HIVEP1: variants seen among roughly 807,000 people sequenced by gnomAD.
The protein encoded by HIVEP1 is HIVEP zinc finger 1, also known as zinc finger protein 40.
In HIVEP1, 36 loss-of-function variants were observed where a neutral mutation model predicts 180.0. The observed-to-expected ratio is 0.20, with a 90% CI of 0.15 to 0.26. The LOEUF (loss-of-function observed/expected upper bound fraction) is 0.26. HIVEP1 is among the 10% of genes least tolerant of loss of function. The pLI, the probability that HIVEP1 is intolerant of heterozygous loss-of-function variation, is 1.00. For missense variants in HIVEP1, 3,143 were observed against 3,268.7 expected, an observed-to-expected ratio of 0.96 and a Z score of 0.94; for synonymous variants, 1,239 against 1,239.0, an observed-to-expected ratio of 1.00 and a Z score of 0.00.
chr6:12,122,394 T>C lies in HIVEP1; in HGVS notation c.2599T>C (p.Phe867Leu), dbSNP rs1378535688. ...PPHPLRGSQS[F>L]DDKIGAFYDD... ...TCATCCACTAAGAGGAAGTCAGTCA[T>C]TTGATGACAAAATTGGCGCTTTCTA... is the stretch of plus-strand genomic sequence containing the variant. The change falls in exon 4 of 9, where the codon TTT becomes CTT. Residue 867 changes from phenylalanine (F) to leucine (L), a missense_variant. Phe to Leu is a conservative substitution (Grantham distance 22, BLOSUM62 0). Coordinates refer to ENST00000379388, the MANE Select transcript of HIVEP1 (RefSeq NM_002114.4). 1.9e-6 allele frequency: 3 copies of C among 1,614,234 alleles called. No individual in the cohort carries two copies. Among genetic ancestry groups the C allele is most frequent in the Non-Finnish European group, 2.5e-6 (3 of 1,180,036 alleles).
At chr6:12,088,184 T>A (rs2113322896) in intron 2 of HIVEP1, among the ~76,000 whole-genome samples, 1 of 152,276 alleles carries the variant, frequency 6.6e-6, no homozygotes. Context: ...GATACCATAT[T>A]GGAGGTTACA....
At chr6:12,055,190 AAT>A (rs1402079611) in intron 2 of HIVEP1, among the ~76,000 whole-genome samples, 19 of 152,236 alleles carry the variant, frequency 1.2e-4, no homozygotes, top group African/African-American at 4.3e-4. Flanking sequence ...CTTCAGTTAA[AAT>A]CATGATTTTC....
chr6:12,200,337 T>C, the HIVEP1 span, among the ~76,000 whole-genome samples: 1 of 152,236 alleles, frequency 6.6e-6, no homozygotes, highest in East Asian at 1.9e-4. Flanking sequence ...TGCGCATAAA[T>C]ATGACTGCAA....
At chr6:12,050,446 C>T (rs1036667748) in intron 2 of HIVEP1, among the ~76,000 whole-genome samples, 10 of 152,026 alleles carry the variant, frequency 6.6e-5, no homozygotes, top group African/African-American at 1.9e-4. Context: ...ACTAGCCGGG[C>T]GTAGTGGCAG....
chr6:12,020,890 C>CTTTTTTTTTTTTT lies in HIVEP1; in HGVS notation c.40+5228_40+5240dup, dbSNP rs70981658. Among the ~76,000 whole-genome samples, 51 of 105,774 alleles carry CTTTTTTTTTTTTT rather than the reference C, an allele frequency of 4.8e-4. 2 individuals carry two copies. Among genetic ancestry groups the CTTTTTTTTTTTTT allele is most frequent in the Non-Finnish European group, 7.1e-4 (39 of 55,012 alleles). The allele number at this position is 105,774 out of a possible 152,430, so 69.4% of individuals were successfully genotyped here. A position where few individuals can be genotyped will look rare whatever the true frequency, so the allele number is the denominator to read the frequency against. ...GAGAACCAGATTTCTTTCTTTCTTT[C>CTTTTTTTTTTTTT]TTTTTTTTTTTTTTTTTTGAGACGG... On this transcript the variant is annotated intron_variant, in intron 2 of 8. Coordinates refer to ENST00000379388, the MANE Select transcript of HIVEP1 (RefSeq NM_002114.4).
chr6:12,074,643 T>TGTGC (rs573970756), intron 2 of HIVEP1, among the ~76,000 whole-genome samples: 3,814 of 148,078 alleles, frequency 0.026, 117 homozygotes, highest in East Asian at 0.15. Context: ...TGTGTGTGTG[T>TGTGC]GCGCGCGCGT....
chr6:12,114,637 C>T (rs1024891769), intron 3 of HIVEP1, among the ~76,000 whole-genome samples: 1 of 152,206 alleles, frequency 6.6e-6, no homozygotes, highest in Non-Finnish European at 1.5e-5. Context: ...TGCACGTACA[C>T]TTAATGTATC....
chr6:12,041,478 G>C (rs1215883869), intron 2 of HIVEP1, among the ~76,000 whole-genome samples: 1 of 141,760 alleles, frequency 7.1e-6, no homozygotes, highest in African/African-American at 2.6e-5. Flanking sequence ...ATGGGCTACT[G>C]TATACATTAC....
intron 3 of HIVEP1, among the ~76,000 whole-genome samples, chr6:12,090,606 G>GA (rs71722866): frequency 0.098 from 14,944 of 151,998 alleles, 991 homozygotes; most frequent in Middle Eastern, 0.2. Flanking sequence ...AACAAGCATA[G>GA]AAGAGTAAAG....
chr6:12,190,339 A>T, the HIVEP1 span, among the ~76,000 whole-genome samples: 1 of 152,224 alleles, frequency 6.6e-6, no homozygotes, highest in African/African-American at 2.4e-5. Flanking sequence ...AATCCAGAAC[A>T]AAAGTTTCTT....
chr6:12,154,742 C>A (rs1759919177), intron 7 of HIVEP1, among the ~76,000 whole-genome samples: 1 of 152,122 alleles, frequency 6.6e-6, no homozygotes, highest in South Asian at 2.1e-4. Context: ...ACCTCCCTGG[C>A]ACATGTATAC....
intron 7 of HIVEP1, among the ~76,000 whole-genome samples, chr6:12,159,748 A>G (rs1299867311): frequency 6.6e-6 from 1 of 152,254 alleles, no homozygotes; most frequent in Non-Finnish European, 1.5e-5. Flanking sequence ...ACAGCATAAT[A>G]GTAGAACCCT....
chr6:12,166,478 T>A (rs1373603232), downstream of HIVEP1, among the ~76,000 whole-genome samples: 4 of 152,330 alleles, frequency 2.6e-5, no homozygotes, highest in East Asian at 7.7e-4. Flanking sequence ...ATTCAATGCA[T>A]CGTGCAAATA....
chr6:12,108,569 C>T (rs536003815), intron 3 of HIVEP1, among the ~76,000 whole-genome samples: 10 of 152,364 alleles, frequency 6.6e-5, no homozygotes, highest in Middle Eastern at 3.4e-3. Flanking sequence ...AGAAATCGAG[C>T]GCAGCGCTGG....
At chr6:12,078,576 AT>A (rs772108146) in intron 2 of HIVEP1, among the ~76,000 whole-genome samples, 3 of 151,260 alleles carry the variant, frequency 2.0e-5, no homozygotes, top group Non-Finnish European at 4.4e-5. Flanking sequence ...GCCCCAGGTA[AT>A]AGCAGCACCT....
In HIVEP1 at chr6:12,120,450, A is replaced by G; in HGVS notation, c.655A>G (p.Ile219Val). The G allele has an allele frequency of 6.2e-7, 1 of 1,614,194 alleles. No homozygotes were observed. The highest frequency in any genetic ancestry group is 8.5e-7 in the Non-Finnish European group (1 of 1,180,028). ...GTCACAAAAGGGCTCACCTTGTGCA[A>G]TTAAGACAGAAAAACTGAGGCCAAA... is the stretch of plus-strand genomic sequence containing the variant. ...TLSQKGSPCA[I>V]KTEKLRPNKT... The change falls in exon 4 of 9, where the codon ATT becomes GTT. Residue 219 changes from isoleucine to valine, a missense_variant. Transcript: ENST00000379388.
At chr6:12,148,773 C>A (rs1762013086) in intron 7 of HIVEP1, among the ~76,000 whole-genome samples, 1 of 152,144 alleles carries the variant, frequency 6.6e-6, no homozygotes, top group Admixed American at 6.5e-5. Context: ...ATTTTGGTGG[C>A]TTTTCAGACA....
chr6:12,168,092 C>CATATGTGTATAT (rs781151396), downstream of HIVEP1, among the ~76,000 whole-genome samples: 101 of 16,838 alleles, frequency 6.0e-3, 28 homozygotes, highest in Non-Finnish European at 0.01. Context: ...TACATATATA[C>CATATGTGTATAT]ACATACACGT....
the HIVEP1 span, among the ~76,000 whole-genome samples, chr6:12,199,664 A>C: frequency 6.6e-6 from 1 of 152,130 alleles, no homozygotes; most frequent in South Asian, 2.1e-4. Flanking sequence ...ATCAATTTTT[A>C]AAAACAAACA....
Sources: gnomAD v4.1 joint callset for allele counts (sites outside exome capture counted in the v4.1 genomes callset) on GRCh38, gnomAD v4.1.1 for gene constraint, MANE v1.5 for transcripts, NCBI Gene and HGNC (gene_info 2026-07-23, HGNC 2026-07-21) for gene names.